Variants in LRRC4C observed in about 807,000 individuals in gnomAD.
LRRC4C encodes leucine rich repeat containing 4C, also known as leucine-rich repeat-containing protein 4C.
A neutral mutation model predicts 33.6 loss-of-function variants in LRRC4C; 5 were observed. The ratio of observed to expected loss-of-function variants is 0.15; its 90% CI spans 0.08 to 0.31. LRRC4C has a LOEUF of 0.31. LRRC4C is among the 10% of genes least tolerant of loss of function. The pLI is 1.00. For missense variants in LRRC4C, 560 were observed against 796.7 expected (o/e 0.70, Z 3.58); for synonymous variants, 329 against 302.0 (o/e 1.09, Z -0.93).
At chr11:41,306,931 T>C (rs1950520802) in intron 1 of LRRC4C, among the ~76,000 whole-genome samples, 1 of 152,184 alleles carries the variant, frequency 6.6e-6, no homozygotes. Context: ...ACAGAGATAT[T>C]TTTCCATGTT....
In LRRC4C at chr11:40,530,567, A is replaced by G. The variant is rs1392518741; in HGVS notation, c.-270+117575T>C. On this transcript the variant is annotated intron_variant, in intron 3 of 6. Transcript: ENST00000528697. ...TATGCTCAGAGGACCCTCAGTAACT[A>G]TAGACATTATTATTGTTCTCAACTA... Among the ~76,000 whole-genome samples the G allele has an allele frequency of 1.3e-5, 2 of 152,184 alleles. 1 individual carries two copies. The highest frequency in any genetic ancestry group is 3.8e-4 in the East Asian group (2 of 5,202).
rs145248757 is a variant in LRRC4C at position 41,308,498 on chromosome 11, C to A, written c.-496+150933G>T. On this transcript the variant is annotated intron_variant, in intron 1 of 6. Transcript: ENST00000528697. ...ATATCTGTCCCCTGCTGGGTGGGGA[C>A]AGGGGCATCAAAAGCCTATCTACAG... 1.5e-3 allele frequency among the ~76,000 whole-genome samples: 233 copies of A among 152,190 alleles called. 1 individual carries two copies. Among genetic ancestry groups the A allele is most frequent in the African/African-American group, 5.5e-3 (227 of 41,534 alleles).
chr11:40,169,864 C>A (rs935674743), intron 5 of LRRC4C, among the ~76,000 whole-genome samples: 3 of 152,166 alleles, frequency 2.0e-5, no homozygotes, highest in Non-Finnish European at 1.5e-5. Context: ...CTGAAGCCAA[C>A]CCCTAACATT....
chr11:41,053,952 T>A (rs1235815136), intron 1 of LRRC4C, among the ~76,000 whole-genome samples: 1 of 152,158 alleles, frequency 6.6e-6, no homozygotes, highest in Non-Finnish European at 1.5e-5. Flanking sequence ...GTTAGGGAGT[T>A]ATAGGACTTA....
chr11:41,079,471 C>A (rs1255508787), intron 1 of LRRC4C, among the ~76,000 whole-genome samples: 1 of 152,106 alleles, frequency 6.6e-6, no homozygotes. Context: ...ATTAAAAAAT[C>A]TTTAGGACTA....
At chr11:40,504,298 C>G (rs1386468342) in intron 3 of LRRC4C, among the ~76,000 whole-genome samples, 2 of 152,118 alleles carry the variant, frequency 1.3e-5, no homozygotes, top group Non-Finnish European at 2.9e-5. Context: ...TAAAAATATT[C>G]TGTATATTAA....
At chr11:41,350,551 A>C (rs1951948504) in intron 1 of LRRC4C, among the ~76,000 whole-genome samples, 1 of 151,744 alleles carries the variant, frequency 6.6e-6, no homozygotes, top group Non-Finnish European at 1.5e-5. Context: ...AATGTTTTCA[A>C]TCTGTGCATA....
chr11:40,703,329 C>A (rs778138222), intron 2 of LRRC4C, among the ~76,000 whole-genome samples: 1 of 151,978 alleles, frequency 6.6e-6, no homozygotes, highest in Non-Finnish European at 1.5e-5. Flanking sequence ...GTCAAGTAGC[C>A]GTGAAATTTT....
intron 2 of LRRC4C, among the ~76,000 whole-genome samples, chr11:40,889,255 T>A (rs1955593042): frequency 6.6e-6 from 1 of 152,094 alleles, no homozygotes; most frequent in Non-Finnish European, 1.5e-5. Context: ...GCAAATTTCC[T>A]GTCAAGGAAA....
chr11:40,590,040 G>A (rs1176323724), intron 3 of LRRC4C, among the ~76,000 whole-genome samples: 1 of 151,386 alleles, frequency 6.6e-6, no homozygotes, highest in Non-Finnish European at 1.5e-5. Context: ...GCTAGATTGG[G>A]GAAGTTCTCC....
Position 41,298,545 on chromosome 11 carries a change from T to C in LRRC4C, c.-496+160886A>G, listed in dbSNP as rs1295814290. Among the ~76,000 whole-genome samples, 5 of 152,104 alleles carry C rather than the reference T, an allele frequency of 3.3e-5. No homozygotes were observed. The South Asian group carries it at 1.0e-3, about 32-fold the overall frequency. On this transcript the variant is annotated intron_variant, in intron 1 of 6. Coordinates refer to ENST00000528697, the MANE Select transcript of LRRC4C (RefSeq NM_001258419.2). The stretch of plus-strand genomic sequence containing the variant: ...AAGTGACCTGTAGCCATCCAAGTGA[T>C]TCAGTCTCTAAACGTAGGGCCTATG...
At chr11:40,799,881 T>G (rs928802754) in intron 2 of LRRC4C, among the ~76,000 whole-genome samples, 1 of 152,232 alleles carries the variant, frequency 6.6e-6, no homozygotes, top group Non-Finnish European at 1.5e-5. Flanking sequence ...TTTTCAGAAG[T>G]GGAAATATAC....
intron 1 of LRRC4C, among the ~76,000 whole-genome samples, chr11:41,077,225 G>A (rs1395367448): frequency 2.6e-5 from 4 of 152,146 alleles, no homozygotes; most frequent in Admixed American, 2.0e-4. Flanking sequence ...GAGGATGGTG[G>A]CCTTTTTCTC....
chr11:40,503,991 CAT>C (rs972338173), intron 3 of LRRC4C, among the ~76,000 whole-genome samples: 1 of 152,108 alleles, frequency 6.6e-6, no homozygotes, highest in East Asian at 1.9e-4. Flanking sequence ...AAAAAAGAGA[CAT>C]GTACAGCCCC....
chr11:41,236,058 G>T (rs557574871), intron 1 of LRRC4C, among the ~76,000 whole-genome samples: 1 of 152,164 alleles, frequency 6.6e-6, no homozygotes, highest in Non-Finnish European at 1.5e-5. Context: ...AGTTTTCTTG[G>T]TGAAGCTTCT....
At chr11:40,826,475 TG>T in intron 2 of LRRC4C, among the ~76,000 whole-genome samples, 1 of 151,936 alleles carries the variant, frequency 6.6e-6, no homozygotes, top group Non-Finnish European at 1.5e-5. Context: ...CCCAAGGGTA[TG>T]TGCCATACGC....
intron 1 of LRRC4C, among the ~76,000 whole-genome samples, chr11:41,136,291 G>T (rs1943258071): frequency 1.3e-5 from 2 of 152,016 alleles, no homozygotes; most frequent in East Asian, 1.9e-4. Context: ...TGGGTATAAA[G>T]GTGTTATAGA....
intron 3 of LRRC4C, among the ~76,000 whole-genome samples, chr11:40,525,761 C>T (rs1279291788): frequency 1.3e-5 from 2 of 151,414 alleles, no homozygotes; most frequent in Non-Finnish European, 2.9e-5. Context: ...TTTTAAAAGG[C>T]CAATGAAAAT....
Position 40,958,415 on chromosome 11 carries a change from G to T in LRRC4C, c.-495-24692C>A, listed in dbSNP as rs1959055139. 1.3e-5 allele frequency among the ~76,000 whole-genome samples: 2 copies of T among 151,702 alleles called. 1 individual carries two copies. Among genetic ancestry groups the T allele is most frequent in the South Asian group, 4.1e-4 (2 of 4,822 alleles). On this transcript the variant is annotated intron_variant, in intron 1 of 6. Coordinates refer to ENST00000528697, the MANE Select transcript of LRRC4C (RefSeq NM_001258419.2). ...TACATAATTTTTACTACAGAAATTT[G>T]ATAATAATCATAAAGACATACATTG...
Sources: gnomAD v4.1 joint callset for allele counts (sites outside exome capture counted in the v4.1 genomes callset) on GRCh38, gnomAD v4.1.1 for gene constraint, MANE v1.5 for transcripts, NCBI Gene and HGNC (gene_info 2026-07-23, HGNC 2026-07-21) for gene names.